CEP170: variants seen among roughly 807,000 people sequenced by gnomAD.
CEP170 encodes the protein centrosomal protein 170.
Under a neutral mutation model 151.9 loss-of-function variants are expected in CEP170, and 21 were observed. The observed-to-expected ratio is 0.14, with a 90% CI of 0.10 to 0.20. CEP170 has a LOEUF of 0.20. Ranked by LOEUF, CEP170 falls within the 10% of genes least tolerant of loss-of-function variation. CEP170 has a pLI of 1.00. For missense variants in CEP170, 964 were observed against 1,892.9 expected, an observed-to-expected ratio of 0.51 and a Z score of 9.11; for synonymous variants, 356 against 648.8, an observed-to-expected ratio of 0.55 and a Z score of 6.86.
At chr1:243,242,209 G>C (rs570171730) in intron 1 of CEP170, among the ~76,000 whole-genome samples, 2 of 152,122 alleles carry the variant, frequency 1.3e-5, no homozygotes, top group Non-Finnish European at 2.9e-5. Flanking sequence ...CCAGATTCTA[G>C]TGATGAGTTA....
At position 243,192,494 on chromosome 1, in the gene CEP170, G is replaced by A. The variant is rs57666497; in HGVS notation, c.632-1000C>T. Among the ~76,000 whole-genome samples, 1,152 of 152,248 alleles carry A rather than the reference G, an allele frequency of 7.6e-3. 11 individuals carry two copies. Among genetic ancestry groups the A allele is most frequent in the African/African-American group, 0.027 (1,113 of 41,550 alleles). On this transcript the variant is annotated intron_variant, in intron 7 of 19. Transcript: ENST00000366542. ...ATTGTCCTGTTGTTGAAGAAGCAAA[G>A]CATGTCCATTATCAAAATGAAGAGC...
chr1:243,165,841 C>T lies in CEP170; in HGVS notation c.2119G>A (p.Gly707Arg). ...PLSKMNRAVN[G>R]ETLKTGGDNK... ...TCTCCACCAGTTTTGAGAGTCTCTC[C>T]ATTTACTGCCCTGTTCATTTTACTC... is the stretch of plus-strand genomic sequence containing the variant. The change falls in exon 13 of 20, where the codon GGA (glycine) becomes AGA (arginine). Residue 707 changes from glycine to arginine, a missense_variant. By Grantham distance (125) the Gly-to-Arg change is moderately radical (BLOSUM62 -2). Coordinates refer to ENST00000366542, the MANE Select transcript of CEP170 (RefSeq NM_014812.3). 6.2e-7 allele frequency: 1 copy of T among 1,613,846 alleles called. No homozygotes were observed. The highest frequency in any genetic ancestry group is 2.2e-5 in the East Asian group (1 of 44,894).
chr1:243,134,165 T>C (rs946082371), intron 17 of CEP170, among the ~76,000 whole-genome samples: 2 of 152,180 alleles, frequency 1.3e-5, no homozygotes, highest in Non-Finnish European at 2.9e-5. Context: ...AGTCAAATCA[T>C]GTGTAGATAG....
intron 1 of CEP170, among the ~76,000 whole-genome samples, chr1:243,234,013 A>G (rs972672446): frequency 2.6e-5 from 4 of 152,182 alleles, no homozygotes; most frequent in Non-Finnish European, 1.5e-5. Context: ...TAGTCAGTGT[A>G]TACAATTACT....
intron 13 of CEP170, among the ~76,000 whole-genome samples, chr1:243,158,969 A>G (rs1383302612): frequency 1.3e-5 from 2 of 152,146 alleles, no homozygotes; most frequent in African/African-American, 4.8e-5. Flanking sequence ...CGGGAGGCTA[A>G]GAGAGGAGAA....
intron 14 of CEP170, among the ~76,000 whole-genome samples, chr1:243,142,727 C>T (rs1217278476): frequency 1.3e-5 from 2 of 152,148 alleles, no homozygotes. Context: ...CCTTAACACA[C>T]ACTGTGTTAA....
intron 7 of CEP170, among the ~76,000 whole-genome samples, chr1:243,197,716 C>T (rs566479098): frequency 1.1e-4 from 17 of 152,144 alleles, no homozygotes; most frequent in East Asian, 3.9e-4. Context: ...TAGCTGATGA[C>T]GACATTGTTG....
chr1:243,215,826 G>A (rs1399236404), intron 3 of CEP170, among the ~76,000 whole-genome samples: 1 of 152,034 alleles, frequency 6.6e-6, no homozygotes, highest in Non-Finnish European at 1.5e-5. Context: ...AAAACTTGCT[G>A]GTTTTGCAGC....
At chr1:243,215,333 T>C (rs370228126) in intron 3 of CEP170, among the ~76,000 whole-genome samples, 1 of 152,206 alleles carries the variant, frequency 6.6e-6, no homozygotes, top group East Asian at 1.9e-4. Flanking sequence ...TAGGTCTGGC[T>C]GCCTGAGAGC....
chr1:243,192,190 C>T (rs914510760), intron 7 of CEP170, among the ~76,000 whole-genome samples: 1 of 152,130 alleles, frequency 6.6e-6, no homozygotes, highest in Non-Finnish European at 1.5e-5. Context: ...ATAGGAAATT[C>T]AGTTTCCAGA....
intron 11 of CEP170, among the ~76,000 whole-genome samples, chr1:243,172,340 T>C (rs1297822002): frequency 6.6e-6 from 1 of 152,176 alleles, no homozygotes; most frequent in Non-Finnish European, 1.5e-5. Flanking sequence ...AATTTACAAA[T>C]GATAAGAATT....
chr1:243,185,892 A>C lies in CEP170; in HGVS notation c.1453T>G (p.Ser485Ala). 6.2e-7 allele frequency: 1 copy of C among 1,613,672 alleles called. No homozygotes were observed. The highest frequency in any genetic ancestry group is 2.2e-5 in the East Asian group (1 of 44,886). ...TCATTATCCTTTTCAGAAGTAGCAG[A>C]AGTTGCTTGATTTTTTAACATTTTA... is the stretch of plus-strand genomic sequence containing the variant. The part of the protein sequence containing the change: ...MDKMLKNQAT[S>A]ATSEKDNDDD... The change falls in exon 10 of 20, where the codon TCT (serine) becomes GCT (alanine). Residue 485 changes from serine (S) to alanine (A), a missense_variant. By Grantham distance (99) the Ser-to-Ala change is moderately conservative. Coordinates refer to ENST00000366542, the MANE Select transcript of CEP170 (RefSeq NM_014812.3). This position sits in a 1 kb window ranked among gnomAD's most constrained non-coding sequence, Gnocchi z 4.9.
At chr1:243,159,248 G>A (rs2057838929) in intron 13 of CEP170, among the ~76,000 whole-genome samples, 1 of 151,982 alleles carries the variant, frequency 6.6e-6, no homozygotes, top group Admixed American at 6.6e-5. Context: ...TTTGCCAGTG[G>A]AAAACATATC....
intron 12 of CEP170, among the ~76,000 whole-genome samples, chr1:243,167,464 A>G (rs1202848793): frequency 1.3e-5 from 2 of 151,740 alleles, no homozygotes; most frequent in South Asian, 2.1e-4. Flanking sequence ...GAAAATATAT[A>G]TTTTGATTTT....
At position 243,140,096 on chromosome 1, in the gene CEP170, A is replaced by T; in HGVS notation, c.4071T>A (p.Arg1357=). 1 of 1,613,824 alleles carries T rather than the reference A, an allele frequency of 6.2e-7. No homozygotes were observed. Residue 1357 remains arginine (R), a synonymous_variant, in exon 16 of 20, where the codon CGT becomes CGA. Coordinates refer to ENST00000366542, the MANE Select transcript of CEP170 (RefSeq NM_014812.3). ...GGAAGTTGAGGCTTTCATCAAAAAC[A>T]CGATCAACCAACTAATGGGACGAAA... ...AIDTREELVD[R]VFDESLNFRK... is the part of the protein sequence containing the mutation.
At chr1:243,228,463 A>T (rs1050593064) in intron 1 of CEP170, among the ~76,000 whole-genome samples, 1 of 152,190 alleles carries the variant, frequency 6.6e-6, no homozygotes, top group Non-Finnish European at 1.5e-5. Flanking sequence ...TTCAGAATAT[A>T]TACTTCCTGG....
chr1:243,141,249 C>G (rs1240818176), intron 15 of CEP170, among the ~76,000 whole-genome samples: 1 of 151,892 alleles, frequency 6.6e-6, no homozygotes, highest in East Asian at 1.9e-4. Context: ...GGCTGGCAAA[C>G]TTTTATTTAT....
At chr1:243,131,729 A>C (rs2054441402) in intron 17 of CEP170, among the ~76,000 whole-genome samples, 1 of 152,190 alleles carries the variant, frequency 6.6e-6, no homozygotes, top group African/African-American at 2.4e-5. Flanking sequence ...TTAAGCTGAA[A>C]AAATCATAGC....
intron 1 of CEP170, among the ~76,000 whole-genome samples, chr1:243,249,561 T>G (rs1022037735): frequency 1.3e-5 from 2 of 152,210 alleles, no homozygotes; most frequent in African/African-American, 4.8e-5. Context: ...TTTTTCATAT[T>G]ATTTCTTTTC....
Sources: gnomAD v4.1 joint callset for allele counts (sites outside exome capture counted in the v4.1 genomes callset) on GRCh38, gnomAD v4.1.1 for gene constraint, Gnocchi (gnomAD v3.1) non-coding constraint, MANE v1.5 for transcripts, NCBI Gene and HGNC (gene_info 2026-07-23, HGNC 2026-07-21) for gene names.